The following CDK8 variants were observed in gnomAD, a reference collection of about 807,000 sequenced individuals.
CDK8 encodes cyclin-dependent kinase 8.
Under a neutral mutation model 71.5 loss-of-function variants are expected in CDK8, and 29 were observed. The ratio of observed to expected loss-of-function variants is 0.41; its 90% CI spans 0.30 to 0.55. The LOEUF (loss-of-function observed/expected upper bound fraction) is 0.55. CDK8 is among the 20% of genes least tolerant of loss of function. The pLI is 0.37. For missense variants in CDK8, 288 were observed against 572.6 expected, an observed-to-expected ratio of 0.50 and a Z score of 5.07; for synonymous variants, 161 against 192.1, an observed-to-expected ratio of 0.84 and a Z score of 1.34.
intron 4 of CDK8, among the ~76,000 whole-genome samples, chr13:26,375,486 C>T (rs1198243365): frequency 6.6e-6 from 1 of 152,206 alleles, no homozygotes; most frequent in Non-Finnish European, 1.5e-5. Flanking sequence ...AATGATTCAA[C>T]ACCTGGAGAA....
At chr13:26,355,927 A>G (rs1873878152) in intron 4 of CDK8, among the ~76,000 whole-genome samples, 1 of 152,298 alleles carries the variant, frequency 6.6e-6, no homozygotes, top group South Asian at 2.1e-4. Context: ...ACCAATATTT[A>G]AATTTCATGT....
At chr13:26,364,206 C>T (rs192604982) in intron 4 of CDK8, among the ~76,000 whole-genome samples, 5 of 152,124 alleles carry the variant, frequency 3.3e-5, no homozygotes, top group East Asian at 3.9e-4. Flanking sequence ...AAGCCATAAA[C>T]GAATCAGGAA....
At position 26,404,028 on chromosome 13, in the gene CDK8, T is replaced by C; in HGVS notation, c.1342T>C (p.Ser448Pro). 1 of 1,614,012 alleles carries C rather than the reference T, an allele frequency of 6.2e-7. No homozygotes were observed. Among genetic ancestry groups the C allele is most frequent in the Non-Finnish European group, 8.5e-7 (1 of 1,179,992 alleles). Residue 448 changes from serine (S) to proline (P), a missense_variant, in exon 13 of 13, where the codon TCA (serine) becomes CCA (proline). Physicochemically the swap from Ser to Pro is moderately conservative, Grantham distance 74. Around this residue, in one of 6 missense-constraint regions of CDK8, gnomAD observed 76 missense variants for 99.7 expected, o/e 0.76. Transcript: ENST00000381527. ...TSQPQSSMGY[S>P]ATSQQPPQYS... ...ACAGCCGCAGAGCAGCATGGGATACTCAGCTACCTCCCAGCAGCCTCCACA... is the reference window on the plus strand; with the variant it reads ...ACAGCCGCAGAGCAGCATGGGATACCCAGCTACCTCCCAGCAGCCTCCACA...
chr13:26,308,096 C>T (rs1593253497), intron 1 of CDK8, among the ~76,000 whole-genome samples: 1 of 152,190 alleles, frequency 6.6e-6, no homozygotes, highest in Admixed American at 6.5e-5. Flanking sequence ...ACAGTTGGTA[C>T]ATTCGTAAAC....
chr13:26,376,038 A>G (rs1874929586), intron 4 of CDK8, among the ~76,000 whole-genome samples: 1 of 152,210 alleles, frequency 6.6e-6, no homozygotes, highest in Non-Finnish European at 1.5e-5. Context: ...CAGTATAGTT[A>G]GTAAAAGTAA....
chr13:26,270,147 T>C (rs1288755153), intron 1 of CDK8, among the ~76,000 whole-genome samples: 1 of 152,070 alleles, frequency 6.6e-6, no homozygotes, highest in Non-Finnish European at 1.5e-5. Context: ...CCCAGCACTT[T>C]GGGAGGCCGA....
At chr13:26,384,127 T>C (rs1210637829) in intron 5 of CDK8, among the ~76,000 whole-genome samples, 3 of 152,236 alleles carry the variant, frequency 2.0e-5, no homozygotes, top group African/African-American at 4.8e-5. Context: ...ATATATGTGA[T>C]GTTGGCAGGT....
At chr13:26,264,015 G>A (rs1487867339) in intron 1 of CDK8, among the ~76,000 whole-genome samples, 1 of 152,288 alleles carries the variant, frequency 6.6e-6, no homozygotes, top group African/African-American at 2.4e-5. Flanking sequence ...CCAAAGTGCT[G>A]GGATTACTGG....
At chr13:26,320,729 T>C (rs1309144099) in intron 1 of CDK8, among the ~76,000 whole-genome samples, 1 of 152,042 alleles carries the variant, frequency 6.6e-6, no homozygotes, top group Non-Finnish European at 1.5e-5. Context: ...GAATAAACAT[T>C]CCTCCAAAGA....
At chr13:26,353,471 A>G (rs989469878) in intron 3 of CDK8, among the ~76,000 whole-genome samples, 36 of 151,726 alleles carry the variant, frequency 2.4e-4, no homozygotes, top group African/African-American at 7.3e-4. Flanking sequence ...ATTTTTAATT[A>G]TGCTTTAAAA....
chr13:26,283,866 G>T (rs1566471052), intron 1 of CDK8, among the ~76,000 whole-genome samples: 1 of 148,044 alleles, frequency 6.8e-6, no homozygotes, highest in East Asian at 2.0e-4. Context: ...CCACTGCACT[G>T]CAGCCTGGCG....
rs1433592920 is a variant in CDK8 at position 26,254,686 on chromosome 13, G to T, written c.45G>T (p.Arg15=). ...FKVKLSSERE[R]VEDLFEYEGC... is the part of the protein sequence containing the mutation. Reference sequence around the variant, plus strand: ...TGAAGCTGAGCAGCGAGCGGGAGCGGGTCGAGGACCTGTTTGAATACGAGG... The same window carrying T: ...TGAAGCTGAGCAGCGAGCGGGAGCGTGTCGAGGACCTGTTTGAATACGAGG... Residue 15 remains arginine (R), a synonymous_variant, in exon 1 of 13, where the codon CGG becomes CGT. Coordinates refer to ENST00000381527, the MANE Select transcript of CDK8 (RefSeq NM_001260.3). This position sits in a 1 kb window ranked among gnomAD's most constrained non-coding sequence, Gnocchi z 6.7. The T allele has an allele frequency of 3.1e-6, 5 of 1,612,808 alleles. No individual in the cohort carries two copies. Among genetic ancestry groups the T allele is most frequent in the Non-Finnish European group, 4.2e-6 (5 of 1,179,432 alleles).
At chr13:26,277,050 A>G (rs546800761) in intron 1 of CDK8, among the ~76,000 whole-genome samples, 38 of 152,190 alleles carry the variant, frequency 2.5e-4, no homozygotes, top group Non-Finnish European at 4.4e-5. Context: ...GCTTGAGTAA[A>G]CAAAACAATT....
intron 7 of CDK8, among the ~76,000 whole-genome samples, chr13:26,394,603 C>T (rs1875898231): frequency 6.6e-6 from 1 of 152,206 alleles, no homozygotes; most frequent in Non-Finnish European, 1.5e-5. Context: ...CTGTTTTCTT[C>T]CTGCTTCTGA....
chr13:26,269,586 A>G (rs192861596), intron 1 of CDK8, among the ~76,000 whole-genome samples: 140 of 152,052 alleles, frequency 9.2e-4, no homozygotes, highest in Middle Eastern at 3.4e-3. Flanking sequence ...CTAAAAGGTG[A>G]TTCAGTCTGA....
At chr13:26,259,207 C>G (rs769903951) in intron 1 of CDK8, among the ~76,000 whole-genome samples, 5 of 152,136 alleles carry the variant, frequency 3.3e-5, no homozygotes, top group Admixed American at 1.3e-4. Context: ...TTATAACCTT[C>G]TAAAAATGTG....
At chr13:26,300,134 G>A (rs1382937491) in intron 1 of CDK8, among the ~76,000 whole-genome samples, 1 of 152,118 alleles carries the variant, frequency 6.6e-6, no homozygotes, top group African/African-American at 2.4e-5. Context: ...TCTGCCCAGA[G>A]TAAGAGGCAT....
rs190800127 is a variant in CDK8 at position 26,322,465 on chromosome 13, T to C, written c.129-15102T>C. On this transcript the variant is annotated intron_variant, in intron 1 of 12. Coordinates refer to ENST00000381527, the MANE Select transcript of CDK8 (RefSeq NM_001260.3). ...TTTGGTAGGGTGTTACATATTTACC[T>C]AATTACAGTGAGTCCTTAATCCACT... is the stretch of plus-strand genomic sequence containing the variant. Among the ~76,000 whole-genome samples the C allele has an allele frequency of 4.8e-3, 723 of 152,206 alleles. 4 individuals carry two copies. The highest frequency in any genetic ancestry group is 7.4e-3 in the Non-Finnish European group (504 of 67,992).
rs775675200 is a variant in CDK8, at chr13:26,358,730, GGTAGAA to G, written c.456+4852_456+4857del. 1.2e-3 allele frequency among the ~76,000 whole-genome samples: 179 copies of G among 152,254 alleles called. 1 individual carries two copies. Among genetic ancestry groups the G allele is most frequent in the East Asian group, 1.3e-3 (7 of 5,186 alleles). Reference sequence around the variant, plus strand: ...CATTATTCACAGTAGCTTGCCAAAAGGTAGAAGCAACCCAAGTGTCCATCAGTGGAT... The same window carrying G: ...CATTATTCACAGTAGCTTGCCAAAAGGCAACCCAAGTGTCCATCAGTGGAT... On this transcript the variant is annotated intron_variant, in intron 4 of 12. Coordinates refer to ENST00000381527, the MANE Select transcript of CDK8 (RefSeq NM_001260.3).
Sources: gnomAD v4.1 joint callset for allele counts (sites outside exome capture counted in the v4.1 genomes callset) on GRCh38, gnomAD v4.1.1 for gene constraint, gnomAD v4.1.1 regional missense constraint, Gnocchi (gnomAD v3.1) non-coding constraint, MANE v1.5 for transcripts, NCBI Gene and HGNC (gene_info 2026-07-23, HGNC 2026-07-21) for gene names.